Variants in EIF2S3B observed in about 807,000 individuals in gnomAD.
The protein encoded by EIF2S3B is eukaryotic translation initiation factor 2 subunit gamma B.
In EIF2S3B, 16 loss-of-function variants were observed where a neutral mutation model predicts 26.4. The ratio of observed to expected loss-of-function variants is 0.61; its 90% confidence interval spans 0.41 to 0.92. The LOEUF (loss-of-function observed/expected upper bound fraction) is 0.92. Among genes scored for constraint, EIF2S3B ranks in the 40% least tolerant of loss-of-function variants. EIF2S3B has a pLI of 0.00. For missense variants in EIF2S3B, 510 were observed against 575.5 expected (o/e 0.89, Z 1.16); for synonymous variants, 183 against 204.4 (o/e 0.90, Z 0.89).
chr12:10,520,402 C>G (rs1864818117), intron 1 of EIF2S3B, among the ~76,000 whole-genome samples: 1 of 146,404 alleles, frequency 6.8e-6, no homozygotes, highest in South Asian at 2.3e-4. Context: ...GGAGATATAC[C>G]TAATGCTAAA....
Position 10,507,055 on chromosome 12 carries a change from C to G in EIF2S3B, c.1153C>G (p.Arg385Gly). 3 of 1,613,698 alleles carry G rather than the reference C, an allele frequency of 1.9e-6. No individual in the cohort carries two copies. The highest frequency in any genetic ancestry group is 2.2e-5 in the South Asian group (2 of 91,064). Residue 385 changes from arginine to glycine, a missense_variant, in exon 1 of 1, where the codon CGC becomes GGC. Transcript: ENST00000538173. ...YFLLRRLLGV[R>G]TEGDKKAAKV... ...CCTGCTTAGACGGCTTCTAGGTGTA[C>G]GCACTGAAGGAGACAAGAAAGCAGC...
chr12:10,518,599 C>T (rs550928122), intron 1 of EIF2S3B, among the ~76,000 whole-genome samples: 17 of 152,088 alleles, frequency 1.1e-4, no homozygotes, highest in Non-Finnish European at 5.9e-5. Flanking sequence ...AGCCCATTTA[C>T]ATTTAAAGTT....
rs372970824 is a variant in EIF2S3B at position 10,507,465 on chromosome 12, CT to C, written c.*155del. 53,453 of 601,642 alleles carry C rather than the reference CT, an allele frequency of 0.089. 1,485 individuals are homozygous for C. The highest frequency in any genetic ancestry group is 0.26 in the African/African-American group (13,723 of 52,256). 37.3% of individuals were successfully genotyped at this position (601,642 alleles called of 1,614,324 possible). A position where few individuals can be genotyped will look rare whatever the true frequency, so the allele number is the denominator to read the frequency against. On this transcript the variant is annotated 3_prime_UTR_variant, in exon 1 of 1. Coordinates refer to ENST00000538173, the MANE Select transcript of EIF2S3B (RefSeq NM_001357734.3). ...GTAGGTAACGGTAAGGTTATTCTCT[CT>C]TTTTTTTTTTGGTTATGAAAACTTA...
At chr12:10,518,056 G>C (rs1188836935) in intron 1 of EIF2S3B, among the ~76,000 whole-genome samples, 1 of 152,062 alleles carries the variant, frequency 6.6e-6, no homozygotes, top group Middle Eastern at 3.4e-3. Flanking sequence ...TGGAATAGGT[G>C]TGGTGTGGTG....
intron 1 of EIF2S3B, among the ~76,000 whole-genome samples, chr12:10,518,198 G>A (rs909771215): frequency 1.3e-5 from 2 of 152,156 alleles, no homozygotes; most frequent in African/African-American, 4.8e-5. Flanking sequence ...TCTGTCTAAT[G>A]TTGACAGTGG....
chr12:10,511,993 C>G (rs1864709573), downstream of EIF2S3B, among the ~76,000 whole-genome samples: 2 of 152,054 alleles, frequency 1.3e-5, no homozygotes, highest in Admixed American at 1.3e-4. Flanking sequence ...AAAAATAAAC[C>G]AACATCAATT....
rs755359220 is a variant in EIF2S3B, at chr12:10,506,708, G to T, written c.806G>T (p.Cys269Phe). The change falls in exon 1 of 1, where the codon TGT becomes TTT. Residue 269 changes from cysteine to phenylalanine, a missense_variant. By Grantham distance (205) the Cys-to-Phe change is radical. Transcript: ENST00000538173. The part of the protein sequence containing the change: ...IRSFDVNKPG[C>F]EVDDLKGGVA... ...TCTTTTGATGTCAACAAACCTGGCT[G>T]TGAAGTTGATGACCTTAAGGGAGGT... The T allele has an allele frequency of 6.2e-7, 1 of 1,614,058 alleles. No individual in the cohort carries two copies. The highest frequency in any genetic ancestry group is 2.2e-5 in the East Asian group (1 of 44,886).
chr12:10,505,990 C>G lies in EIF2S3B; in HGVS notation c.88C>G (p.Pro30Ala). 1.2e-6 allele frequency: 2 copies of G among 1,605,914 alleles called. No individual in the cohort carries two copies. The highest frequency in any genetic ancestry group is 8.5e-7 in the Non-Finnish European group (1 of 1,172,522). ...LTTLDVTKLTPLSHEVISRQA... is the reference protein window; with the variant it reads ...LTTLDVTKLTALSHEVISRQA... The stretch of plus-strand genomic sequence containing the variant: ...CACCTTGGATGTTACCAAGTTGACG[C>G]CACTTTCACACGAAGTTATCAGCAG... The change falls in exon 1 of 1, where the codon CCA (proline) becomes GCA (alanine). Residue 30 changes from proline to alanine, a missense_variant. By Grantham distance (27) the Pro-to-Ala change is conservative (BLOSUM62 -1). Coordinates refer to ENST00000538173, the MANE Select transcript of EIF2S3B (RefSeq NM_001357734.3).
intron 1 of EIF2S3B, among the ~76,000 whole-genome samples, chr12:10,518,960 T>C (rs2137955405): frequency 2.0e-5 from 3 of 152,076 alleles, no homozygotes; most frequent in Non-Finnish European, 4.4e-5. Flanking sequence ...TTCAATGCCA[T>C]CCCCATCAAG....
chr12:10,512,782 C>T (rs1398450853), downstream of EIF2S3B, among the ~76,000 whole-genome samples: 3 of 152,134 alleles, frequency 2.0e-5, no homozygotes, highest in Non-Finnish European at 4.4e-5. Flanking sequence ...CATTTTCCCT[C>T]CAATGTTTCT....
downstream of EIF2S3B, among the ~76,000 whole-genome samples, chr12:10,509,602 C>A (rs879816097): frequency 2.0e-5 from 3 of 151,868 alleles, no homozygotes; most frequent in Non-Finnish European, 4.4e-5. Flanking sequence ...CTATAACTAT[C>A]CAAATTGCAC....
chr12:10,513,221 T>C (rs1864722200), downstream of EIF2S3B, among the ~76,000 whole-genome samples: 1 of 152,252 alleles, frequency 6.6e-6, no homozygotes, highest in Non-Finnish European at 1.5e-5. Context: ...TATGACATTG[T>C]ACAGAAAATT....
Position 10,506,245 on chromosome 12 carries a change from A to G in EIF2S3B, c.343A>G (p.Thr115Ala). ...GAGCAGTATGCCTGATGAGTTTCCTACAGACATTCCAGGAACCAAAGGGAA... is the reference window on the plus strand; with the variant it reads ...GAGCAGTATGCCTGATGAGTTTCCTGCAGACATTCCAGGAACCAAAGGGAA... ...CGSSMPDEFP[T>A]DIPGTKGNFR... Residue 115 changes from threonine (T) to alanine (A), a missense_variant, in exon 1 of 1, where the codon ACA becomes GCA. Transcript: ENST00000538173. 1.2e-6 allele frequency: 2 copies of G among 1,607,968 alleles called. No individual in the cohort carries two copies. The highest frequency in any genetic ancestry group is 2.2e-5 in the East Asian group (1 of 44,832).
chr12:10,517,643 C>T (rs1269816284), intron 1 of EIF2S3B, among the ~76,000 whole-genome samples: 9 of 151,788 alleles, frequency 5.9e-5, no homozygotes, highest in Admixed American at 4.6e-4. Flanking sequence ...TATTTCTTGC[C>T]TTCTGCTAGC....
downstream of EIF2S3B, among the ~76,000 whole-genome samples, chr12:10,513,408 C>T (rs905722933): frequency 8.5e-5 from 13 of 152,296 alleles, no homozygotes; most frequent in Admixed American, 6.5e-4. Context: ...GAAATCAACA[C>T]TGGGGTGGGA....
In EIF2S3B at chr12:10,506,546, T is replaced by C. The variant is rs759280415; in HGVS notation, c.644T>C (p.Val215Ala). 1 of 1,589,702 alleles carries C rather than the reference T, an allele frequency of 6.3e-7. No homozygotes were observed. Among genetic ancestry groups the C allele is most frequent in the East Asian group, 2.2e-5 (1 of 44,770 alleles). The change falls in exon 1 of 1, where the codon GTA (valine) becomes GCA (alanine). Residue 215 changes from valine to alanine, a missense_variant. Coordinates refer to ENST00000538173, the MANE Select transcript of EIF2S3B (RefSeq NM_001357734.3). ...EQILAFVQGT[V>A]AEGAPIIPIS... Reference sequence around the variant, plus strand: ...ATCCTTGCGTTTGTCCAAGGTACAGTAGCAGAGGGAGCTCCCATTATTCCA... The same window carrying C: ...ATCCTTGCGTTTGTCCAAGGTACAGCAGCAGAGGGAGCTCCCATTATTCCA...
intron 1 of EIF2S3B, among the ~76,000 whole-genome samples, chr12:10,517,403 G>A (rs1864769040): frequency 6.6e-6 from 1 of 152,082 alleles, no homozygotes; most frequent in East Asian, 1.9e-4. Flanking sequence ...TTGCGTAGAG[G>A]TGTTTGTAGT....
chr12:10,512,099 G>T (rs1177541225), downstream of EIF2S3B, among the ~76,000 whole-genome samples: 1 of 152,118 alleles, frequency 6.6e-6, no homozygotes, highest in Non-Finnish European at 1.5e-5. Context: ...GAAATTAAAA[G>T]ACAAATGAAA....
chr12:10,512,002 T>C (rs943349671), downstream of EIF2S3B, among the ~76,000 whole-genome samples: 1 of 152,206 alleles, frequency 6.6e-6, no homozygotes, highest in Non-Finnish European at 1.5e-5. Context: ...CCAACATCAA[T>C]TGCATAATCT....
Sources: gnomAD v4.1 joint callset for allele counts (sites outside exome capture counted in the v4.1 genomes callset) on GRCh38, gnomAD v4.1.1 for gene constraint, MANE v1.5 for transcripts, NCBI Gene and HGNC (gene_info 2026-07-23, HGNC 2026-07-21) for gene names.